Variants in FGD5 observed in about 807,000 individuals in gnomAD.
FGD5 encodes the protein FYVE, RhoGEF and PH domain-containing protein 5.
FGD5 carries 28 observed loss-of-function variants against 133.4 expected under a neutral mutation model. The observed-to-expected ratio is 0.21, with a 90% CI of 0.16 to 0.29. FGD5 has a LOEUF of 0.29. Ranked by LOEUF, FGD5 falls within the 10% of genes least tolerant of loss-of-function variation. The pLI is 1.00. For missense variants in FGD5, 1,858 were observed against 1,895.2 expected (o/e 0.98, Z 0.36); for synonymous variants, 810 against 776.5 (o/e 1.04, Z -0.72).
At chr3:14,909,383 A>C (rs1226712288) in intron 10 of FGD5, among the ~76,000 whole-genome samples, 4 of 152,250 alleles carry the variant, frequency 2.6e-5, no homozygotes, top group Non-Finnish European at 5.9e-5. Flanking sequence ...GCTGTGTGCT[A>C]ACAATAGTTC....
chr3:14,893,184 AAAT>A (rs2038062604), intron 4 of FGD5, among the ~76,000 whole-genome samples: 1 of 152,230 alleles, frequency 6.6e-6, no homozygotes, highest in Non-Finnish European at 1.5e-5. Context: ...ATTTATTAAA[AAAT>A]GCATCATAGA....
At chr3:14,817,621 C>T (rs7643829), upstream of FGD5, among the ~76,000 whole-genome samples, 1 of 152,152 alleles carries the variant, frequency 6.6e-6, no homozygotes, top group Non-Finnish European at 1.5e-5. Context: ...TCAGGGACAA[C>T]ACTGGGCCTA....
intron 1 of FGD5, among the ~76,000 whole-genome samples, chr3:14,849,829 G>A (rs2037124032): frequency 6.6e-6 from 1 of 152,094 alleles, no homozygotes; most frequent in African/African-American, 2.4e-5. Context: ...AGAAGCCATA[G>A]AGCACCTGGC....
chr3:14,926,223 C>CCTCTCCTCTCTCCT, intron 18 of FGD5, 25 bp downstream of exon 18: 5 of 1,611,198 alleles, frequency 3.1e-6, no homozygotes, highest in Non-Finnish European at 4.2e-6. Context: ...CACTCTCTCC[C>CCTCTCCTCTCTCCT]CTCTCCTCTC....
intron 1 of FGD5, among the ~76,000 whole-genome samples, chr3:14,828,547 G>A (rs1325355625): frequency 6.6e-6 from 1 of 152,144 alleles, no homozygotes; most frequent in East Asian, 1.9e-4. Flanking sequence ...GAGTGTAACA[G>A]TAGGACATTG....
At chr3:14,910,974 T>C in intron 11 of FGD5, 45 bp downstream of exon 11, 1 of 1,571,550 alleles carries the variant, frequency 6.4e-7, no homozygotes, top group Non-Finnish European at 8.7e-7. Context: ...TGCCAAGTTC[T>C]ATGAGGTTTT....
In FGD5 at chr3:14,819,009, C is replaced by T; in HGVS notation, c.-63C>T. 6.8e-7 allele frequency: 1 copy of T among 1,481,480 alleles called. No individual in the cohort carries two copies. The highest frequency in any genetic ancestry group is 9.0e-7 in the Non-Finnish European group (1 of 1,114,414). The allele number at this position is 1,481,480 out of a possible 1,614,324, so 91.8% of individuals were successfully genotyped here. On this transcript the variant is annotated 5_prime_UTR_variant, in exon 1 of 20. Coordinates refer to ENST00000285046, the MANE Select transcript of FGD5 (RefSeq NM_152536.4). The surrounding 1 kb of genome is among the most constrained non-coding windows in gnomAD (Gnocchi z 4.1). Reference sequence around the variant, plus strand: ...GCCAAAGACTACCAGTCCACTGACGCCAGTGACCGCGCCCAAATTCCCTTC... The same window carrying T: ...GCCAAAGACTACCAGTCCACTGACGTCAGTGACCGCGCCCAAATTCCCTTC...
intron 17 of FGD5, 101 bp from the exon 18 acceptor site, chr3:14,925,969 G>A (rs1009068793): frequency 1.3e-6 from 2 of 1,481,492 alleles, no homozygotes; most frequent in Non-Finnish European, 1.8e-6. Context: ...AGCAGTATAA[G>A]TAGTCAGCCA....
In FGD5 at chr3:14,819,876, A is replaced by G. The variant is rs1559466715; in HGVS notation, c.805A>G (p.Thr269Ala). ...LAGVQEAETA[T>A]DCPEVLEEGC... ...CGGGGTCCAGGAGGCAGAGACAGCC[A>G]CAGACTGCCCTGAAGTTCTTGAGGA... is the stretch of plus-strand genomic sequence containing the variant. Residue 269 changes from threonine to alanine, a missense_variant, in exon 1 of 20, where the codon ACA becomes GCA. Transcript: ENST00000285046. This position sits in a 1 kb window ranked among gnomAD's most constrained non-coding sequence, Gnocchi z 4.1. 1 of 1,613,642 alleles carries G rather than the reference A, an allele frequency of 6.2e-7. No individual in the cohort carries two copies. Among genetic ancestry groups the G allele is most frequent in the East Asian group, 2.2e-5 (1 of 44,868 alleles).
chr3:14,831,540 C>T (rs1482946246), intron 1 of FGD5, among the ~76,000 whole-genome samples: 1 of 152,088 alleles, frequency 6.6e-6, no homozygotes, highest in Non-Finnish European at 1.5e-5. Context: ...GCGCTGAGGT[C>T]CCCCATCTGA....
chr3:14,924,631 C>A (rs1253736527), intron 17 of FGD5, among the ~76,000 whole-genome samples: 1 of 152,142 alleles, frequency 6.6e-6, no homozygotes, highest in Non-Finnish European at 1.5e-5. Context: ...AACCACAGAC[C>A]AATGTATGTC....
intron 17 of FGD5, among the ~76,000 whole-genome samples, chr3:14,925,026 A>G (rs1251211661): frequency 7.0e-6 from 1 of 142,228 alleles, no homozygotes; most frequent in African/African-American, 2.6e-5. Flanking sequence ...CTTGAACCTC[A>G]GGGAGGTGAA....
intron 9 of FGD5, among the ~76,000 whole-genome samples, chr3:14,901,609 C>T (rs1404772177): frequency 6.6e-6 from 1 of 152,206 alleles, no homozygotes; most frequent in Admixed American, 6.5e-5. Context: ...GTAGGCATGC[C>T]AGCGCTCTGT....
chr3:14,839,134 CTGTT>C (rs2036869137), intron 1 of FGD5, among the ~76,000 whole-genome samples: 1 of 151,752 alleles, frequency 6.6e-6, no homozygotes, highest in Non-Finnish European at 1.5e-5. Flanking sequence ...CACCTCCTGT[CTGTT>C]TCTCAACACT....
intron 1 of FGD5, among the ~76,000 whole-genome samples, chr3:14,812,746 A>G (rs141160696): frequency 1.5e-3 from 227 of 152,238 alleles, no homozygotes; most frequent in Non-Finnish European, 2.7e-3. Context: ...AGGTTATTCA[A>G]CCTCTCTACA....
Position 14,834,601 on chromosome 3 carries a change from C to T in FGD5, c.2525+13005C>T, listed in dbSNP as rs140595695. On this transcript the variant is annotated intron_variant, in intron 1 of 19. Coordinates refer to ENST00000285046, the MANE Select transcript of FGD5 (RefSeq NM_152536.4). ...AACACCCTACGTCATCTCACATAGTCGGGCTTTTGATAAGAGCTATCTGTC... is the reference window on the plus strand; with the variant it reads ...AACACCCTACGTCATCTCACATAGTTGGGCTTTTGATAAGAGCTATCTGTC... Among the ~76,000 whole-genome samples, 977 of 152,302 alleles carry T rather than the reference C, an allele frequency of 6.4e-3. 16 individuals are homozygous for T. The highest frequency in any genetic ancestry group is 0.011 in the Admixed American group (174 of 15,304).
intron 2 of FGD5, among the ~76,000 whole-genome samples, chr3:14,872,524 G>A (rs892777721): frequency 6.6e-6 from 1 of 152,208 alleles, no homozygotes; most frequent in Non-Finnish European, 1.5e-5. Context: ...AGGAATTTAT[G>A]CTTGCAGGGG....
intron 1 of FGD5, among the ~76,000 whole-genome samples, chr3:14,822,535 C>T (rs1014600005): frequency 6.6e-6 from 1 of 150,576 alleles, no homozygotes; most frequent in South Asian, 2.1e-4. Flanking sequence ...GAGAGTGAGA[C>T]ACTGAAGTTA....
rs540878626 is a variant in FGD5 at position 14,922,838 on chromosome 3, G to A, written c.3808-208G>A. ...AGTATCATGTAGTGGTTAAGGGCGC[G>A]GGCTCATCAGAAAAGCAGATAGGCG... On this transcript the variant is annotated intron_variant, in intron 15 of 19. Transcript: ENST00000285046. The surrounding 1 kb of genome is among the most constrained non-coding windows in gnomAD (Gnocchi z 4.1). Among the ~76,000 whole-genome samples the A allele has an allele frequency of 6.6e-5, 10 of 152,266 alleles. No homozygotes were observed. Among genetic ancestry groups the A allele is most frequent in the African/African-American group, 1.7e-4 (7 of 41,556 alleles).
Sources: gnomAD v4.1 joint callset for allele counts (sites outside exome capture counted in the v4.1 genomes callset) on GRCh38, gnomAD v4.1.1 for gene constraint, Gnocchi (gnomAD v3.1) non-coding constraint, MANE v1.5 for transcripts, NCBI Gene and HGNC (gene_info 2026-07-23, HGNC 2026-07-21) for gene names.